The following ZDHHC6 variants were observed in gnomAD, a reference collection of about 807,000 sequenced individuals.
ZDHHC6 encodes palmitoyltransferase ZDHHC6.
ZDHHC6 carries 32 observed loss-of-function variants against 57.8 expected under a neutral mutation model. That is an observed-to-expected ratio of 0.55 (90% confidence interval 0.42 to 0.74). ZDHHC6 has a LOEUF of 0.74. ZDHHC6 is among the 30% of genes least tolerant of loss of function. The pLI, the probability that ZDHHC6 is intolerant of heterozygous loss-of-function variation, is 0.00. For synonymous variants in ZDHHC6, 128 were observed against 158.0 expected, an observed-to-expected ratio of 0.81 and a Z score of 1.42; for missense variants, 433 against 500.7, an observed-to-expected ratio of 0.86 and a Z score of 1.29.
downstream of ZDHHC6, chr10:112,425,555 A>T: frequency 8.2e-7 from 1 of 1,215,608 alleles, no homozygotes; most frequent in Non-Finnish European, 1.1e-6. Flanking sequence ...GGAAATTTGT[A>T]TAGTTGGGTT....
At chr10:112,446,599 T>C (rs1050804334) in intron 1 of ZDHHC6, 106 bp downstream of exon 1, 2 of 152,098 alleles carry the variant, frequency 1.3e-5, no homozygotes, top group African/African-American at 4.8e-5. Context: ...AAGGAAGAAA[T>C]ATCCTGGTAA....
intron 2 of ZDHHC6, among the ~76,000 whole-genome samples, chr10:112,443,915 C>G (rs1196091590): frequency 6.6e-6 from 1 of 152,172 alleles, no homozygotes; most frequent in Admixed American, 6.5e-5. Context: ...TAGCTGACAA[C>G]TTAGCAGGTA....
chr10:112,427,002 T>TA, downstream of ZDHHC6: 2 of 877,612 alleles, frequency 2.3e-6, no homozygotes, highest in Non-Finnish European at 3.5e-6. Flanking sequence ...CTTTTGTAGT[T>TA]ACTTGTACAG....
chr10:112,426,784 T>G (rs1217874311), downstream of ZDHHC6: 1 of 1,613,746 alleles, frequency 6.2e-7, no homozygotes, highest in Non-Finnish European at 8.5e-7. Context: ...TTTTGTATTC[T>G]TAGGTTGTAA....
At chr10:112,443,947 G>GT (rs1846392795) in intron 2 of ZDHHC6, among the ~76,000 whole-genome samples, 3 of 152,244 alleles carry the variant, frequency 2.0e-5, no homozygotes, top group Admixed American at 2.0e-4. Context: ...GGAGTTAATC[G>GT]TGAGTTGATA....
At chr10:112,425,265 G>A (rs1337965609) in exon 12 of ZDHHC6, 1 of 1,343,034 alleles carries the variant, frequency 7.4e-7, no homozygotes, top group African/African-American at 1.5e-5. Context: ...AGATGACTGT[G>A]ACTTCACCAC....
downstream of ZDHHC6, among the ~76,000 whole-genome samples, chr10:112,428,895 C>A (rs1844845868): frequency 6.6e-6 from 1 of 152,198 alleles, no homozygotes; most frequent in Non-Finnish European, 1.5e-5. Context: ...ACAGATGATT[C>A]TAGTCTGCGA....
chr10:112,426,530 A>T (rs1362298730), downstream of ZDHHC6: 4 of 628,262 alleles, frequency 6.4e-6, no homozygotes, highest in South Asian at 2.1e-5. Flanking sequence ...TCTCTTTTCT[A>T]TTTAAAATAA....
chr10:112,445,423 C>A lies in ZDHHC6; in HGVS notation c.14G>T (p.Cys5Phe). 6.2e-7 allele frequency: 1 copy of A among 1,613,924 alleles called. No individual in the cohort carries two copies. Among genetic ancestry groups the A allele is most frequent in the Non-Finnish European group, 8.5e-7 (1 of 1,179,828 alleles). The change falls in exon 2 of 11, where the codon TGT (cysteine) becomes TTT (phenylalanine). Residue 5 changes from cysteine to phenylalanine, a missense_variant. By Grantham distance (205) the Cys-to-Phe change is radical (BLOSUM62 -2). Coordinates refer to ENST00000369405, the MANE Select transcript of ZDHHC6 (RefSeq NM_022494.3). The stretch of plus-strand genomic sequence containing the variant: ...TAGATTTTCAAACTTGATAACCGAA[C>A]AGAATGTACCCATTTTGGCAAGGAA... MGTF[C>F]SVIKFENLQE...
At chr10:112,430,983 T>C (rs1298318010) in intron 10 of ZDHHC6, 76 bp from the exon 11 acceptor site, 12 of 1,187,920 alleles carry the variant, frequency 1.0e-5, no homozygotes, top group Non-Finnish European at 1.5e-5. Context: ...TAAGTCCTAT[T>C]ACTTCAAATT....
upstream of ZDHHC6, chr10:112,447,025 CCG>C: frequency 3.6e-6 from 1 of 278,252 alleles, no homozygotes; most frequent in South Asian, 6.9e-5. Context: ...GGATCCGGAG[CCG>C]ATTCCCAGAA....
intron 3 of ZDHHC6, 106 bp from the exon 4 acceptor site, chr10:112,442,457 G>A: frequency 8.9e-7 from 1 of 1,123,070 alleles, no homozygotes; most frequent in South Asian, 1.7e-5. Flanking sequence ...ATGTCCATGA[G>A]CTACGAGAGA....
intron 3 of ZDHHC6, 128 bp from the exon 4 acceptor site, chr10:112,442,479 T>G: frequency 1.2e-6 from 1 of 865,252 alleles, no homozygotes. Context: ...TTATACTTCA[T>G]GGAACAGAAA....
At chr10:112,427,605 C>A, downstream of ZDHHC6, 1 of 286,332 alleles carries the variant, frequency 3.5e-6, no homozygotes, top group Non-Finnish European at 6.4e-6. Flanking sequence ...TATCAACATG[C>A]CTGTCTTCAA....
downstream of ZDHHC6, chr10:112,426,161 A>G (rs1564746565): frequency 1.1e-6 from 1 of 937,862 alleles, no homozygotes; most frequent in East Asian, 2.5e-5. Flanking sequence ...TGGGGAAATA[A>G]CTATTACAAT....
intron 6 of ZDHHC6, 111 bp downstream of exon 6, chr10:112,438,225 G>A (rs1389388607): frequency 1.3e-6 from 1 of 769,976 alleles, no homozygotes; most frequent in Non-Finnish European, 1.8e-6. Flanking sequence ...TTCACTTTTA[G>A]GCACTTTTCG....
intron 4 of ZDHHC6, among the ~76,000 whole-genome samples, chr10:112,441,260 C>T (rs989225518): frequency 5.9e-5 from 9 of 152,158 alleles, no homozygotes; most frequent in Admixed American, 1.3e-4. Context: ...TCAAGGAGAC[C>T]TTACCAACAT....
intron 8 of ZDHHC6, 134 bp from the exon 9 acceptor site, chr10:112,432,655 TC>T: frequency 9.6e-7 from 1 of 1,042,556 alleles, no homozygotes; most frequent in Non-Finnish European, 1.3e-6. Context: ...TAGGGGAACC[TC>T]CCAGTTCCCC....
At chr10:112,436,586 G>A (rs1157733923) in intron 6 of ZDHHC6, among the ~76,000 whole-genome samples, 1 of 152,200 alleles carries the variant, frequency 6.6e-6, no homozygotes, top group African/African-American at 2.4e-5. Context: ...AGATCACTTT[G>A]AGTATTCAGG....
Sources: gnomAD v4.1 joint callset for allele counts (sites outside exome capture counted in the v4.1 genomes callset) on GRCh38, gnomAD v4.1.1 for gene constraint, MANE v1.5 for transcripts, NCBI Gene and HGNC (gene_info 2026-07-23, HGNC 2026-07-21) for gene names.